FNIP2: variants seen among roughly 807,000 people sequenced by gnomAD.
FNIP2 encodes folliculin-interacting protein 2.
A neutral mutation model predicts 108.7 loss-of-function variants in FNIP2; 32 were observed. The observed-to-expected ratio is 0.29, with a 90% CI of 0.22 to 0.40. FNIP2 has a LOEUF of 0.40. FNIP2 is among the 10% of genes least tolerant of loss of function. FNIP2 has a pLI of 1.00. For missense variants in FNIP2, 1,202 were observed against 1,381.6 expected, an observed-to-expected ratio of 0.87 and a Z score of 2.06; for synonymous variants, 480 against 496.7, an observed-to-expected ratio of 0.97 and a Z score of 0.45.
At chr4:158,815,260 C>T (rs551216697) in intron 1 of FNIP2, among the ~76,000 whole-genome samples, 37 of 152,336 alleles carry the variant, frequency 2.4e-4, no homozygotes, top group Non-Finnish European at 4.0e-4. Flanking sequence ...GTCCAGTCTA[C>T]ACTCCTTCTC....
At chr4:158,815,607 G>A (rs769458417) in intron 1 of FNIP2, among the ~76,000 whole-genome samples, 3 of 152,008 alleles carry the variant, frequency 2.0e-5, no homozygotes, top group Admixed American at 1.3e-4. Flanking sequence ...CTCGTGATCC[G>A]CCAGCCTCGG....
intron 3 of FNIP2, among the ~76,000 whole-genome samples, chr4:158,831,008 A>C (rs1195947508): frequency 6.6e-6 from 1 of 152,230 alleles, no homozygotes; most frequent in Non-Finnish European, 1.5e-5. Context: ...CAAAATCAAA[A>C]GAATAGTTGA....
At chr4:158,900,449 CATT>C (rs571505659) in intron 16 of FNIP2, among the ~76,000 whole-genome samples, 12 of 152,214 alleles carry the variant, frequency 7.9e-5, no homozygotes, top group African/African-American at 2.4e-4. Context: ...TAAAGTCTCC[CATT>C]ATTATTGTGT....
intron 16 of FNIP2, among the ~76,000 whole-genome samples, chr4:158,904,101 T>C (rs947679449): frequency 6.6e-6 from 1 of 152,218 alleles, no homozygotes; most frequent in Admixed American, 6.5e-5. Context: ...AAGTGTTGAC[T>C]GGAAGAATGA....
At chr4:158,859,485 A>G in intron 9 of FNIP2, 93 bp from the exon 10 acceptor site, 2 of 1,158,278 alleles carry the variant, frequency 1.7e-6, no homozygotes, top group Non-Finnish European at 2.5e-6. Context: ...GAGTGTTGTT[A>G]ATTGATTACA....
chr4:158,902,071 G>A (rs183823028), intron 16 of FNIP2, among the ~76,000 whole-genome samples: 3 of 151,884 alleles, frequency 2.0e-5, no homozygotes, highest in African/African-American at 4.8e-5. Context: ...AGAGCATTCT[G>A]GTTTTTTGAA....
intron 1 of FNIP2, among the ~76,000 whole-genome samples, chr4:158,819,184 G>A (rs1020720743): frequency 2.0e-5 from 3 of 152,164 alleles, no homozygotes; most frequent in Non-Finnish European, 4.4e-5. Context: ...CACACTCAAA[G>A]GTGTGCAGAA....
intron 7 of FNIP2, among the ~76,000 whole-genome samples, chr4:158,840,346 A>T (rs533203312): frequency 6.6e-6 from 1 of 152,262 alleles, no homozygotes; most frequent in Non-Finnish European, 1.5e-5. Flanking sequence ...TAGAAATAGG[A>T]AACTGGCTCT....
chr4:158,881,296 G>T (rs1430354900), intron 14 of FNIP2, among the ~76,000 whole-genome samples: 1 of 129,034 alleles, frequency 7.7e-6, no homozygotes, highest in East Asian at 2.3e-4. Flanking sequence ...CTCTTTCCAC[G>T]GTCTCCCTCC....
chr4:158,882,421 G>C (rs961907307), intron 14 of FNIP2, among the ~76,000 whole-genome samples: 2 of 148,700 alleles, frequency 1.3e-5, no homozygotes, highest in African/African-American at 5.0e-5. Flanking sequence ...CCGGGAGGTG[G>C]GGGGTGCCTC....
At chr4:158,853,181 T>A (rs1779794690) in intron 8 of FNIP2, among the ~76,000 whole-genome samples, 1 of 152,188 alleles carries the variant, frequency 6.6e-6, no homozygotes, top group Admixed American at 6.5e-5. Flanking sequence ...AAGCCTTTTC[T>A]GCAAATACAT....
chr4:158,832,104 G>A lies in FNIP2; in HGVS notation c.520G>A (p.Ala174Thr). 1 of 1,613,768 alleles carries A rather than the reference G, an allele frequency of 6.2e-7. No homozygotes were observed. Among genetic ancestry groups the A allele is most frequent in the Non-Finnish European group, 8.5e-7 (1 of 1,179,794 alleles). Reference sequence around the variant, plus strand: ...ACTGATGATTAGTAAAGTCTTCTCTGCTAGAATGGGCAGCTTCTGTGGAAG... The same window carrying A: ...ACTGATGATTAGTAAAGTCTTCTCTACTAGAATGGGCAGCTTCTGTGGAAG... Reference protein sequence around the residue: ...PQLMISKVFSARMGSFCGSTN... With the variant: ...PQLMISKVFSTRMGSFCGSTN... The change falls in exon 5 of 17, where the codon GCT becomes ACT. Residue 174 changes from alanine to threonine, a missense_variant. Around this residue, in one of 5 missense-constraint regions of FNIP2, gnomAD observed 878 missense variants for 990.3 expected, o/e 0.89. Coordinates refer to ENST00000264433, the MANE Select transcript of FNIP2 (RefSeq NM_020840.3).
intron 1 of FNIP2, among the ~76,000 whole-genome samples, chr4:158,803,760 C>T (rs756066051): frequency 6.6e-5 from 10 of 152,126 alleles, no homozygotes; most frequent in Non-Finnish European, 2.9e-5. Context: ...ATGTTGGTCT[C>T]ACTGATTGGA....
At chr4:158,807,676 A>G (rs958515892) in intron 1 of FNIP2, among the ~76,000 whole-genome samples, 2 of 152,178 alleles carry the variant, frequency 1.3e-5, no homozygotes, top group Non-Finnish European at 2.9e-5. Flanking sequence ...TTTTTAATAG[A>G]AACAATAAAA....
At chr4:158,825,480 G>T (rs35297764) in intron 1 of FNIP2, among the ~76,000 whole-genome samples, 2 of 152,194 alleles carry the variant, frequency 1.3e-5, no homozygotes, top group South Asian at 4.2e-4. Flanking sequence ...AGAAGAGAAG[G>T]CTCTACCGAC....
At chr4:158,884,095 T>C (rs1046778555) in intron 14 of FNIP2, among the ~76,000 whole-genome samples, 1 of 152,088 alleles carries the variant, frequency 6.6e-6, no homozygotes, top group Non-Finnish European at 1.5e-5. Context: ...TCACTCTTCA[T>C]TGGGTTAAAA....
chr4:158,856,556 CT>C (rs1162710216), intron 8 of FNIP2, among the ~76,000 whole-genome samples: 2 of 152,236 alleles, frequency 1.3e-5, no homozygotes, highest in Non-Finnish European at 2.9e-5. Context: ...CTTCCAGCTC[CT>C]TTCCTCAGTG....
intron 7 of FNIP2, among the ~76,000 whole-genome samples, chr4:158,842,577 GTGAGT>G (rs1414016343): frequency 3.9e-5 from 6 of 152,182 alleles, no homozygotes; most frequent in Non-Finnish European, 8.8e-5. Context: ...AATGCGCAGA[GTGAGT>G]TGGTTACCAA....
chr4:158,876,899 AC>A (rs1285811704), intron 14 of FNIP2, among the ~76,000 whole-genome samples: 4 of 152,224 alleles, frequency 2.6e-5, no homozygotes, highest in African/African-American at 9.7e-5. Flanking sequence ...CATTGTCGTT[AC>A]CTAAAGGAAA....
Sources: gnomAD v4.1 joint callset for allele counts (sites outside exome capture counted in the v4.1 genomes callset) on GRCh38, gnomAD v4.1.1 for gene constraint, gnomAD v4.1.1 regional missense constraint, MANE v1.5 for transcripts, NCBI Gene and HGNC (gene_info 2026-07-23, HGNC 2026-07-21) for gene names.